The following GLB1L2 variants were observed in gnomAD, a reference collection of about 807,000 sequenced individuals.
GLB1L2 encodes the protein galactosidase beta 1 like 2, also known as beta-galactosidase-1-like protein 2.
Under a neutral mutation model 84.1 loss-of-function variants are expected in GLB1L2, and 68 were observed. The observed-to-expected ratio is 0.81, with a 90% confidence interval of 0.67 to 0.99. GLB1L2 has a LOEUF of 0.99. Ranked by LOEUF, GLB1L2 falls within the 50% of genes least tolerant of loss-of-function variation. The probability of loss-of-function intolerance (pLI) is 0.00; values close to 1 mark genes in which losing one functional copy is unlikely to be tolerated. For missense variants in GLB1L2, 762 were observed against 805.6 expected (o/e 0.95, Z 0.66); for synonymous variants, 290 against 318.0 (o/e 0.91, Z 0.94).
intron 8 of GLB1L2, among the ~76,000 whole-genome samples, chr11:134,365,300 C>G (rs1252658318): frequency 1.3e-5 from 2 of 152,226 alleles, no homozygotes; most frequent in African/African-American, 4.8e-5. Context: ...GGAGGGCTGG[C>G]CCCGCTCCCA....
chr11:134,350,952 T>C (rs1943621623), intron 5 of GLB1L2, among the ~76,000 whole-genome samples: 2 of 152,238 alleles, frequency 1.3e-5, no homozygotes, highest in Admixed American at 1.3e-4. Flanking sequence ...TGCACTGTTT[T>C]CTGCATTTAA....
chr11:134,368,862 T>C (rs1943902000), intron 10 of GLB1L2, 81 bp downstream of exon 10: 1 of 1,489,944 alleles, frequency 6.7e-7, no homozygotes, highest in Non-Finnish European at 9.2e-7. Context: ...GCCCTCAGGG[T>C]CAACTTCTGG....
chr11:134,374,428 A>C (rs893947), intron 17 of GLB1L2, among the ~76,000 whole-genome samples, 172 bp downstream of exon 17: 67,921 of 151,916 alleles, frequency 0.45, 15,825 homozygotes, highest in African/African-American at 0.57. Flanking sequence ...AGCAGAAGAA[A>C]CACCTCATGC....
chr11:134,340,027 G>C (rs1943439689), intron 1 of GLB1L2, among the ~76,000 whole-genome samples: 1 of 152,172 alleles, frequency 6.6e-6, no homozygotes, highest in Admixed American at 6.5e-5. Flanking sequence ...AGAGGTTAAA[G>C]GTGTTGGTTC....
At position 134,364,434 on chromosome 11, in the gene GLB1L2, G is replaced by C. The variant is rs772336998; in HGVS notation, c.804+36G>C. 2.0e-6 allele frequency: 3 copies of C among 1,529,092 alleles called. No individual in the cohort carries two copies. The East Asian group carries it at 6.8e-5, about 34-fold the overall frequency. The allele number at this position is 1,529,092 out of a possible 1,614,324, so 94.7% of individuals were successfully genotyped here. A position where few individuals can be genotyped will look rare whatever the true frequency, so the allele number is the denominator to read the frequency against. Reference sequence around the variant, plus strand: ...CCCCAGGGAAGCTGCGGCCCGCCCTGCTCAGCGGCCTATGGGAATTCTGAA... The same window carrying C: ...CCCCAGGGAAGCTGCGGCCCGCCCTCCTCAGCGGCCTATGGGAATTCTGAA... On this transcript the variant is annotated intron_variant, in intron 8 of 18. Transcript: ENST00000535456.
intron 6 of GLB1L2, 43 bp from the exon 7 acceptor site, chr11:134,359,017 A>G (rs1233673429): frequency 6.9e-7 from 1 of 1,444,970 alleles, no homozygotes. Context: ...CAGAAGCTCT[A>G]AGGAGCCAGG....
chr11:134,344,219 C>T (rs867852638), intron 2 of GLB1L2, among the ~76,000 whole-genome samples, 168 bp from the exon 3 acceptor site: 25 of 152,190 alleles, frequency 1.6e-4, no homozygotes, highest in African/African-American at 4.3e-4. Flanking sequence ...GGCTTGCCCT[C>T]GATTCTGGTC....
Position 134,338,989 on chromosome 11 carries a change from T to C in GLB1L2, c.87-3765T>C, listed in dbSNP as rs1943427964. ...GACTCTTCTAAGGTGGAAAAATCGC[T>C]TTGGATAAATGAAGCCGAGATACAT... is the stretch of plus-strand genomic sequence containing the variant. On this transcript the variant is annotated intron_variant, in intron 1 of 18. Transcript: ENST00000535456. This position sits in a 1 kb window ranked among gnomAD's most constrained non-coding sequence, Gnocchi z 6.2. Among the ~76,000 whole-genome samples the C allele has an allele frequency of 6.6e-6, 1 of 152,100 alleles. No homozygotes were observed. The highest frequency in any genetic ancestry group is 2.1e-4 in the South Asian group (1 of 4,816).
chr11:134,349,036 T>C (rs987971366), intron 5 of GLB1L2, among the ~76,000 whole-genome samples: 9 of 152,160 alleles, frequency 5.9e-5, no homozygotes, highest in African/African-American at 2.2e-4. Context: ...GAGAACACAG[T>C]CTATTGCAAC....
chr11:134,344,891 G>A (rs577565608), intron 3 of GLB1L2, 143 bp from the exon 4 acceptor site: 4 of 951,316 alleles, frequency 4.2e-6, no homozygotes, highest in Middle Eastern at 3.3e-4. Flanking sequence ...CCGACCTGGT[G>A]TGGGAGTCCC....
chr11:134,344,309 T>G, intron 2 of GLB1L2, 78 bp from the exon 3 acceptor site: 2 of 1,525,350 alleles, frequency 1.3e-6, no homozygotes, highest in Non-Finnish European at 1.8e-6. Flanking sequence ...ATTGGATTTT[T>G]GGGCTAAAGA....
chr11:134,372,096 G>GGCT (rs1475520024), intron 15 of GLB1L2, among the ~76,000 whole-genome samples: 1 of 152,176 alleles, frequency 6.6e-6, no homozygotes, highest in African/African-American at 2.4e-5. Flanking sequence ...GTCTCCCCTG[G>GGCT]GCTGCAGTCG....
intron 5 of GLB1L2, among the ~76,000 whole-genome samples, chr11:134,351,345 CTTTT>C (rs367790049): frequency 7.7e-6 from 1 of 129,124 alleles, no homozygotes; most frequent in Admixed American, 8.0e-5. Context: ...CTTTTTCTTT[CTTTT>C]TTTTTTTTTT....
At chr11:134,371,651 T>C in intron 14 of GLB1L2, 101 bp from the exon 15 acceptor site, 2 of 1,226,018 alleles carry the variant, frequency 1.6e-6, no homozygotes, top group South Asian at 1.3e-5. Flanking sequence ...GGATGTACAC[T>C]CCCATCCCCA....
At position 134,338,366 on chromosome 11, in the gene GLB1L2, G is replaced by A. The variant is rs189696095; in HGVS notation, c.87-4388G>A. Among the ~76,000 whole-genome samples, 6 of 152,276 alleles carry A rather than the reference G, an allele frequency of 3.9e-5. No homozygotes were observed. Among genetic ancestry groups the A allele is most frequent in the African/African-American group, 1.2e-4 (5 of 41,558 alleles). Reference sequence around the variant, plus strand: ...ACTTCACTCAAGGAGATCCTTTCTGGTGGTGACAGGATCTGGCTCACCTCC... The same window carrying A: ...ACTTCACTCAAGGAGATCCTTTCTGATGGTGACAGGATCTGGCTCACCTCC... On this transcript the variant is annotated intron_variant, in intron 1 of 18. Transcript: ENST00000535456. This position sits in a 1 kb window ranked among gnomAD's most constrained non-coding sequence, Gnocchi z 6.2.
chr11:134,334,080 A>T lies in GLB1L2; in HGVS notation c.86+1933A>T, dbSNP rs183267863. 8.5e-5 allele frequency among the ~76,000 whole-genome samples: 13 copies of T among 152,238 alleles called. No individual in the cohort carries two copies. In the East Asian group the frequency reaches 2.5e-3, roughly 29 times the overall value. ...TAATATCTCTGGAGGCAGGAGGAGA[A>T]CATCCTCTTTGTCTTTCCCTCTTCC... On this transcript the variant is annotated intron_variant, in intron 1 of 18. Coordinates refer to ENST00000535456, the MANE Select transcript of GLB1L2 (RefSeq NM_001370461.1). The surrounding 1 kb of genome is among the most constrained non-coding windows in gnomAD (Gnocchi z 4.1).
rs35321493 is a variant in GLB1L2 at position 134,371,109 on chromosome 11, G to A, written c.1317G>A (p.Ser439=). 477 of 1,614,198 alleles carry A rather than the reference G, an allele frequency of 3.0e-4. 1 individual carries two copies. Among genetic ancestry groups the A allele is most frequent in the Admixed American group, 1.6e-3 (98 of 60,028 alleles). ...GYILYETSIT[S]SGILSGHVHD... is the part of the protein sequence containing the mutation. ...TTCTCTATGAGACCAGCATCACCTC[G>A]TCTGGCATCCTCAGTGGCCACGTGC... is the stretch of plus-strand genomic sequence containing the variant. The change falls in exon 13 of 19, where the codon TCG becomes TCA. Residue 439 remains serine, a synonymous_variant. Transcript: ENST00000535456.
At chr11:134,341,047 A>G (rs1194176531) in intron 1 of GLB1L2, among the ~76,000 whole-genome samples, 2 of 152,210 alleles carry the variant, frequency 1.3e-5, no homozygotes, top group African/African-American at 4.8e-5. Context: ...CTTGGCACAA[A>G]GTCTAGCACA....
chr11:134,336,710 G>A (rs1387113642), intron 1 of GLB1L2, among the ~76,000 whole-genome samples: 1 of 152,150 alleles, frequency 6.6e-6, no homozygotes, highest in Non-Finnish European at 1.5e-5. Context: ...GTAAGAGCCA[G>A]TGCATCTCTT....
Sources: gnomAD v4.1 joint callset for allele counts (sites outside exome capture counted in the v4.1 genomes callset) on GRCh38, gnomAD v4.1.1 for gene constraint, Gnocchi (gnomAD v3.1) non-coding constraint, MANE v1.5 for transcripts, NCBI Gene and HGNC (gene_info 2026-07-23, HGNC 2026-07-21) for gene names.